PPP6R2: variants seen among roughly 807,000 people sequenced by gnomAD.
PPP6R2 encodes protein phosphatase 6 regulatory subunit 2, also known as serine/threonine-protein phosphatase 6 regulatory subunit 2.
Under a neutral mutation model 100.2 loss-of-function variants are expected in PPP6R2, and 62 were observed. The observed-to-expected ratio is 0.62, with a 90% CI of 0.50 to 0.76. The LOEUF is 0.76. Ranked by LOEUF, PPP6R2 falls within the 30% of genes least tolerant of loss-of-function variation. PPP6R2 has a pLI of 0.00. For synonymous variants in PPP6R2, 525 were observed against 514.7 expected (o/e 1.02, Z -0.27); for missense variants, 1,142 against 1,276.3 (o/e 0.89, Z 1.60).
chr22:50,444,324 T>TATC lies in PPP6R2; in HGVS notation c.*77_*78insATC. ...GAGAAAACTACCTGGTGATGCAATC[T>TATC]TTTTTTTTTTTAATTTAATTTAATT... On this transcript the variant is annotated 3_prime_UTR_variant, in exon 24 of 24. Transcript: ENST00000612753. The TATC allele has an allele frequency of 1.5e-5, 1 of 66,762 alleles. No individual in the cohort carries two copies. Among genetic ancestry groups the TATC allele is most frequent in the Non-Finnish European group, 2.2e-5 (1 of 44,720 alleles). The allele number at this position is 66,762 out of a possible 1,614,324, so 4.1% of individuals were successfully genotyped here.
At chr22:50,402,275 A>G (rs2058168827) in intron 3 of PPP6R2, among the ~76,000 whole-genome samples, 1 of 150,460 alleles carries the variant, frequency 6.6e-6, no homozygotes, top group Non-Finnish European at 1.5e-5. Context: ...TGGGGAATGG[A>G]CCTGTCAGTA....
Position 50,406,795 on chromosome 22 carries a change from C to A in PPP6R2, c.334C>A (p.His112Asn). ...GAGCCTCCTGTACGACTTCTTGGAC[C>A]ATGAGCCGCCTCTCAATCCTCTGCT... ...LLSLLYDFLD[H>N]EPPLNPLLAS... Residue 112 changes from histidine to asparagine, a missense_variant, in exon 4 of 24, where the codon CAT (histidine) becomes AAT (asparagine). His to Asn is a moderately conservative substitution (Grantham distance 68, BLOSUM62 1). Around this residue, in one of 2 missense-constraint regions of PPP6R2, gnomAD observed 592 missense variants for 758.9 expected, o/e 0.78. Coordinates refer to ENST00000612753, the MANE Select transcript of PPP6R2 (RefSeq NM_001242898.2). 6.2e-7 allele frequency: 1 copy of A among 1,614,130 alleles called. No homozygotes were observed. Among genetic ancestry groups the A allele is most frequent in the Non-Finnish European group, 8.5e-7 (1 of 1,179,966 alleles).
At chr22:50,438,860 T>C (rs1445138391) in intron 19 of PPP6R2, 98 bp downstream of exon 19, 8 of 1,265,344 alleles carry the variant, frequency 6.3e-6, no homozygotes, top group Non-Finnish European at 7.5e-6. Flanking sequence ...AGCTGAGGCA[T>C]TTGGGGCTCA....
intron 10 of PPP6R2, among the ~76,000 whole-genome samples, chr22:50,424,292 C>G (rs1174395244): frequency 6.6e-6 from 1 of 151,426 alleles, no homozygotes; most frequent in Non-Finnish European, 1.5e-5. Flanking sequence ...AGTCCCAGAA[C>G]TGGGCTCGAA....
intron 3 of PPP6R2, among the ~76,000 whole-genome samples, chr22:50,403,423 T>C (rs1260720259): frequency 1.3e-5 from 2 of 152,202 alleles, no homozygotes; most frequent in Non-Finnish European, 2.9e-5. Context: ...CCTCCTCTCC[T>C]GCTCTCTGGT....
Position 50,398,749 on chromosome 22 carries a change from A to G in PPP6R2, c.227+4614A>G, listed in dbSNP as rs376595818. On this transcript the variant is annotated intron_variant, in intron 3 of 23. Transcript: ENST00000612753. ...AGGCTGGTCTTGAACTCTTGAGCTC[A>G]GGCAATCTGCCTGCCTCGGCCTCCC... Among the ~76,000 whole-genome samples, 4 of 152,010 alleles carry G rather than the reference A, an allele frequency of 2.6e-5. No homozygotes were observed. The East Asian group carries it at 7.7e-4, about 29-fold the overall frequency.
chr22:50,414,350 C>G (rs867360561), intron 4 of PPP6R2, among the ~76,000 whole-genome samples: 23 of 75,190 alleles, frequency 3.1e-4, no homozygotes, highest in Non-Finnish European at 4.6e-4. Flanking sequence ...CCCCCCCCCC[C>G]GCCCAGACCC....
At position 50,387,404 on chromosome 22, in the gene PPP6R2, T is replaced by A. The variant is rs149533135; in HGVS notation, c.-16-6489T>A. 3.3e-3 allele frequency among the ~76,000 whole-genome samples: 508 copies of A among 152,298 alleles called. 1 individual carries two copies. The highest frequency in any genetic ancestry group is 0.012 in the African/African-American group (488 of 41,582). Reference sequence around the variant, plus strand: ...TTTGGATTTTTACTTAACTTGTTTGTCCCACTCCACCCCCTTTTTAAAGTT... The same window carrying A: ...TTTGGATTTTTACTTAACTTGTTTGACCCACTCCACCCCCTTTTTAAAGTT... On this transcript the variant is annotated intron_variant, in intron 2 of 23. Transcript: ENST00000612753.
chr22:50,438,785 G>T, intron 19 of PPP6R2, 23 bp downstream of exon 19: 1 of 1,570,874 alleles, frequency 6.4e-7, no homozygotes, highest in Non-Finnish European at 8.6e-7. Flanking sequence ...GCCAGGGGCT[G>T]GGAGTGTGGG....
Position 50,435,096 on chromosome 22 carries a change from C to A in PPP6R2, c.1516+15C>A. The A allele has an allele frequency of 2.0e-6, 3 of 1,515,306 alleles. No individual in the cohort carries two copies. The highest frequency in any genetic ancestry group is 2.4e-5 in the East Asian group (1 of 41,372). The allele number at this position is 1,515,306 out of a possible 1,614,324, so 93.9% of individuals were successfully genotyped here. A position where few individuals can be genotyped will look rare whatever the true frequency, so the allele number is the denominator to read the frequency against. ...GGTCATCCGAGGTGAGCCCCCAACC[C>A]GGTCATCCTTCTGCTGGTCGCGGGC... On this transcript the variant is annotated intron_variant, in intron 13 of 23. Transcript: ENST00000612753.
chr22:50,377,914 G>A (rs2051974307), intron 2 of PPP6R2, among the ~76,000 whole-genome samples: 1 of 152,092 alleles, frequency 6.6e-6, no homozygotes, highest in Non-Finnish European at 1.5e-5. Flanking sequence ...GGCTGAGGTA[G>A]GAGAATTGCT....
chr22:50,390,066 AC>A (rs1452801941), intron 2 of PPP6R2, among the ~76,000 whole-genome samples: 2 of 145,096 alleles, frequency 1.4e-5, no homozygotes, highest in Non-Finnish European at 3.0e-5. Flanking sequence ...ATATCGGCTT[AC>A]TACAACCTCT....
intron 2 of PPP6R2, among the ~76,000 whole-genome samples, chr22:50,381,883 G>A (rs1360540038): frequency 6.6e-6 from 1 of 151,302 alleles, no homozygotes; most frequent in African/African-American, 2.4e-5. Flanking sequence ...ACTCCAGCCC[G>A]GGTGACAGAG....
chr22:50,391,507 G>A (rs1253132219), intron 2 of PPP6R2, among the ~76,000 whole-genome samples: 2 of 151,210 alleles, frequency 1.3e-5, no homozygotes, highest in East Asian at 3.9e-4. Context: ...CTAGCTGCTT[G>A]GAAGGCTGAG....
At position 50,414,702 on chromosome 22, in the gene PPP6R2, G is replaced by T; in HGVS notation, c.552+13G>T. The stretch of plus-strand genomic sequence containing the variant: ...GGACGTCCTGCACGTGAGTGCGGGA[G>T]TCCCCCCCCGTTCCCGAGGGCAGGG... On this transcript the variant is annotated intron_variant, in intron 5 of 23. Transcript: ENST00000612753. The T allele has an allele frequency of 6.5e-7, 1 of 1,549,322 alleles. No homozygotes were observed. The highest frequency in any genetic ancestry group is 8.7e-7 in the Non-Finnish European group (1 of 1,152,952).
chr22:50,382,596 T>TATAA (rs1012116677), intron 2 of PPP6R2, among the ~76,000 whole-genome samples: 2 of 151,818 alleles, frequency 1.3e-5, no homozygotes, highest in African/African-American at 4.8e-5. Flanking sequence ...AAAGTAGAAT[T>TATAA]ATAAATAAAA....
chr22:50,442,873 G>A (rs79713091), intron 22 of PPP6R2, among the ~76,000 whole-genome samples: 17,741 of 149,128 alleles, frequency 0.12, 1,364 homozygotes, highest in East Asian at 0.42. Context: ...ATTCTTAACA[G>A]TCTTTACCCT....
chr22:50,403,750 C>G (rs763066693), intron 3 of PPP6R2, among the ~76,000 whole-genome samples: 12 of 152,360 alleles, frequency 7.9e-5, no homozygotes, highest in Non-Finnish European at 1.6e-4. Flanking sequence ...ACTCCACCTG[C>G]CCTTCACAGG....
At chr22:50,443,597 C>A in intron 22 of PPP6R2, 1 of 529,992 alleles carries the variant, frequency 1.9e-6, no homozygotes, top group Non-Finnish European at 3.4e-6. Flanking sequence ...GAATGAGGCG[C>A]TTGATGATGA....
Sources: allele counts gnomAD v4.1 joint callset (sites outside exome capture counted in the v4.1 genomes callset), GRCh38; gene constraint gnomAD v4.1.1; regional missense constraint gnomAD v4.1.1; transcripts MANE v1.5; gene names NCBI Gene and HGNC (gene_info 2026-07-23, HGNC 2026-07-21).